The following GYS2 variants were observed in gnomAD, a reference collection of about 807,000 sequenced individuals.
GYS2 encodes the protein glycogen [starch] synthase, liver.
A neutral mutation model predicts 85.6 loss-of-function variants in GYS2; 80 were observed. The ratio of observed to expected loss-of-function variants is 0.93; its 90% CI spans 0.78 to 1.13. GYS2 has a LOEUF of 1.13. Ranked by LOEUF, GYS2 falls within the 50% of genes most tolerant of loss-of-function variation. GYS2 has a pLI of 0.00. For missense variants in GYS2, 881 were observed against 854.9 expected (o/e 1.03, Z -0.38); for synonymous variants, 328 against 300.7 (o/e 1.09, Z -0.94).
intron 1 of GYS2, among the ~76,000 whole-genome samples, chr12:21,603,498 G>C (rs906518519): frequency 6.6e-6 from 1 of 152,046 alleles, no homozygotes; most frequent in Non-Finnish European, 1.5e-5. Flanking sequence ...TCACATTCTG[G>C]TTATTATTTC....
intron 1 of GYS2, among the ~76,000 whole-genome samples, chr12:21,603,280 G>T (rs1302593631): frequency 6.6e-6 from 1 of 152,094 alleles, no homozygotes; most frequent in Non-Finnish European, 1.5e-5. Flanking sequence ...CAGAGAATAA[G>T]ACCGTGCTTT....
chr12:21,574,068 C>G lies in GYS2; in HGVS notation c.678+76G>C, dbSNP rs939700206. 6.9e-6 allele frequency: 8 copies of G among 1,155,562 alleles called. No homozygotes were observed. In the African/African-American group the frequency reaches 1.2e-4, roughly 18 times the overall value. The allele number at this position is 1,155,562 out of a possible 1,614,324, so 71.6% of individuals were successfully genotyped here. A position where few individuals can be genotyped will look rare whatever the true frequency, so the allele number is the denominator to read the frequency against. On this transcript the variant is annotated intron_variant, in intron 4 of 15. Coordinates refer to ENST00000261195, the MANE Select transcript of GYS2 (RefSeq NM_021957.4). ...CCATCTGGTTGGCAGATGAAATGTACAGATCAATACTTATCTTTCAGCTTC... is the reference window on the plus strand; with the variant it reads ...CCATCTGGTTGGCAGATGAAATGTAGAGATCAATACTTATCTTTCAGCTTC...
chr12:21,592,634 T>TAAAGC (rs750501845), intron 1 of GYS2, among the ~76,000 whole-genome samples: 10 of 152,186 alleles, frequency 6.6e-5, no homozygotes, highest in East Asian at 5.8e-4. Context: ...TCCAGATATG[T>TAAAGC]AAAGCAAATG....
At chr12:21,592,491 G>C (rs1944651083) in intron 1 of GYS2, among the ~76,000 whole-genome samples, 1 of 151,984 alleles carries the variant, frequency 6.6e-6, no homozygotes, top group Admixed American at 6.5e-5. Context: ...AGCAAAAGTA[G>C]TTATACCTAT....
chr12:21,588,738 A>T (rs56146057), intron 1 of GYS2, among the ~76,000 whole-genome samples: 3,599 of 152,358 alleles, frequency 0.024, 65 homozygotes, highest in Non-Finnish European at 0.036. Flanking sequence ...TGATTAACTT[A>T]ACCATCCAAC....
At chr12:21,541,744 A>G (rs1203859557) in intron 13 of GYS2, among the ~76,000 whole-genome samples, 1 of 151,974 alleles carries the variant, frequency 6.6e-6, no homozygotes, top group Non-Finnish European at 1.5e-5. Flanking sequence ...ACATGTGCAC[A>G]TTTGTTAGAT....
intron 12 of GYS2, among the ~76,000 whole-genome samples, chr12:21,543,608 GGACACAT>G (rs1443849626): frequency 6.6e-6 from 1 of 151,940 alleles, no homozygotes; most frequent in African/African-American, 2.4e-5. Flanking sequence ...TTTAAGTCTG[GGACACAT>G]GTGCTGAACG....
Position 21,559,694 on chromosome 12 carries a change from C to T in GYS2, c.1186G>A (p.Val396Met), listed in dbSNP as rs372161233. The T allele has an allele frequency of 1.9e-6, 3 of 1,591,400 alleles. No individual in the cohort carries two copies. The highest frequency in any genetic ancestry group is 2.7e-5 in the African/African-American group (2 of 74,550). Residue 396 changes from valine to methionine, a missense_variant, in exon 9 of 16, where the codon GTG becomes ATG. Val to Met is a conservative substitution (Grantham distance 21). Coordinates refer to ENST00000261195, the MANE Select transcript of GYS2 (RefSeq NM_021957.4). ...RKQLWDVAHS[V>M]KEKFGKKLYD... is the part of the protein sequence containing the mutation. ...AGTTTTTTTCCAAACTTTTCCTTCA[C>T]AGAATGTGCAACATCCCTGTTTGAA...
intron 7 of GYS2, 125 bp downstream of exon 7, chr12:21,562,793 A>G: frequency 9.7e-7 from 1 of 1,029,900 alleles, no homozygotes; most frequent in Non-Finnish European, 1.5e-6. Context: ...GGCTGAAGCC[A>G]TTTTTAGAAT....
chr12:21,552,907 T>C (rs1944130826), intron 11 of GYS2, among the ~76,000 whole-genome samples: 2 of 152,214 alleles, frequency 1.3e-5, no homozygotes, highest in Admixed American at 1.3e-4. Context: ...ATAAATCCGC[T>C]TTCTTCACCT....
chr12:21,539,382 A>G (rs778349391), intron 14 of GYS2, 44 bp from the exon 15 acceptor site: 1 of 1,004,972 alleles, frequency 1.0e-6, no homozygotes, highest in Non-Finnish European at 1.6e-6. Context: ...AAACCCTTAG[A>G]TATCTCAATA....
At chr12:21,588,775 T>G (rs907400390) in intron 1 of GYS2, among the ~76,000 whole-genome samples, 3 of 152,242 alleles carry the variant, frequency 2.0e-5, no homozygotes, top group Admixed American at 6.5e-5. Context: ...CATAAATTGA[T>G]GTCATCTACT....
intron 1 of GYS2, among the ~76,000 whole-genome samples, chr12:21,581,297 T>C (rs1944506588): frequency 6.6e-6 from 1 of 152,172 alleles, no homozygotes; most frequent in South Asian, 2.1e-4. Flanking sequence ...TGAGACCACA[T>C]CCTGGGCCTG....
chr12:21,595,710 T>C (rs762403643), intron 1 of GYS2, among the ~76,000 whole-genome samples: 1 of 152,186 alleles, frequency 6.6e-6, no homozygotes, highest in African/African-American at 2.4e-5. Flanking sequence ...GGACATTATA[T>C]AATGGTAAAA....
At chr12:21,534,432 G>T (rs1169519063), downstream of GYS2, among the ~76,000 whole-genome samples, 1 of 152,096 alleles carries the variant, frequency 6.6e-6, no homozygotes, top group Non-Finnish European at 1.5e-5. Context: ...CACAAGAATT[G>T]CTTGAGCCTG....
chr12:21,570,038 T>C (rs995832853), intron 4 of GYS2, among the ~76,000 whole-genome samples: 2 of 152,146 alleles, frequency 1.3e-5, no homozygotes, highest in Non-Finnish European at 2.9e-5. Flanking sequence ...AGACTTCAAC[T>C]CTATCAAGAA....
chr12:21,583,429 A>G (rs1426305744), intron 1 of GYS2, among the ~76,000 whole-genome samples: 1 of 152,172 alleles, frequency 6.6e-6, no homozygotes, highest in Non-Finnish European at 1.5e-5. Context: ...TGGCCCATTT[A>G]TCGAGTGATC....
chr12:21,536,846 C>A lies in GYS2; in HGVS notation c.*108G>T. ...CCACTTTTTAGGCAGAGAATAAACTCCATTGTAATACTTAGAAGGAGAAAA... is the reference window on the plus strand; with the variant it reads ...CCACTTTTTAGGCAGAGAATAAACTACATTGTAATACTTAGAAGGAGAAAA... On this transcript the variant is annotated 3_prime_UTR_variant, in exon 16 of 16. Coordinates refer to ENST00000261195, the MANE Select transcript of GYS2 (RefSeq NM_021957.4). The A allele has an allele frequency of 1.3e-6, 1 of 777,010 alleles. No homozygotes were observed. The highest frequency in any genetic ancestry group is 1.5e-5 in the South Asian group (1 of 67,006). 48.1% of individuals were successfully genotyped at this position (777,010 alleles called of 1,614,324 possible).
At chr12:21,600,770 G>C (rs537902124) in intron 1 of GYS2, among the ~76,000 whole-genome samples, 23 of 152,104 alleles carry the variant, frequency 1.5e-4, no homozygotes, top group Non-Finnish European at 3.2e-4. Flanking sequence ...TTATATCAAA[G>C]TCCTCACCTT....
Sources: allele counts gnomAD v4.1 joint callset (sites outside exome capture counted in the v4.1 genomes callset), GRCh38; gene constraint gnomAD v4.1.1; transcripts MANE v1.5; gene names NCBI Gene and HGNC (gene_info 2026-07-23, HGNC 2026-07-21).